The following MYO9B variants were observed in gnomAD, a reference collection of about 807,000 sequenced individuals.
MYO9B encodes myosin IXB.
Under a neutral mutation model 229.5 loss-of-function variants are expected in MYO9B, and 71 were observed. That is an observed-to-expected ratio of 0.31 (90% CI 0.26 to 0.38). The LOEUF is 0.38. MYO9B is among the 10% of genes least tolerant of loss of function. The probability of loss-of-function intolerance (pLI) is 1.00; values close to 1 mark genes in which losing one functional copy is unlikely to be tolerated. For missense variants in MYO9B, 2,255 were observed against 2,920.5 expected (o/e 0.77, Z 5.25); for synonymous variants, 1,185 against 1,235.8 (o/e 0.96, Z 0.86).
chr19:17,169,101 G>A (rs976688686), intron 11 of MYO9B, among the ~76,000 whole-genome samples: 1 of 152,146 alleles, frequency 6.6e-6, no homozygotes, highest in African/African-American at 2.4e-5. Flanking sequence ...GCCAGGCACA[G>A]TGGCTCACGC....
chr19:17,117,570 G>A (rs2145108347), intron 2 of MYO9B, among the ~76,000 whole-genome samples: 1 of 152,322 alleles, frequency 6.6e-6, no homozygotes, highest in East Asian at 1.9e-4. Flanking sequence ...GGGGTTCTCT[G>A]TAAATCCCGG....
intron 2 of MYO9B, among the ~76,000 whole-genome samples, chr19:17,108,214 G>A (rs1473909277): frequency 1.3e-5 from 2 of 152,226 alleles, no homozygotes; most frequent in East Asian, 1.9e-4. Context: ...GGGCTGGCGA[G>A]GCCAGTTTTC....
intron 2 of MYO9B, among the ~76,000 whole-genome samples, chr19:17,120,057 A>C (rs770514965): frequency 7.2e-5 from 11 of 152,218 alleles, no homozygotes; most frequent in Non-Finnish European, 8.8e-5. Context: ...CCAGCTACTC[A>C]GGAGGCTGAG....
chr19:17,195,620 T>C lies in MYO9B; in HGVS notation c.4046+147T>C, dbSNP rs2073034680. On this transcript the variant is annotated intron_variant, in intron 22 of 39. Transcript: ENST00000682292. This position sits in a 1 kb window ranked among gnomAD's most constrained non-coding sequence, Gnocchi z 4.5. The stretch of plus-strand genomic sequence containing the variant: ...CTGAGGGAGGAGGACGAGCAGGACA[T>C]GCTAAAGACCAAGTGAAGACAAGGC... 3.7e-6 allele frequency: 4 copies of C among 1,092,360 alleles called. No individual in the cohort carries two copies. Among genetic ancestry groups the C allele is most frequent in the Admixed American group, 2.5e-5 (1 of 40,532 alleles). 67.7% of individuals were successfully genotyped at this position (1,092,360 alleles called of 1,614,324 possible).
chr19:17,179,221 C>T (rs1346119499), intron 14 of MYO9B, among the ~76,000 whole-genome samples: 1 of 151,954 alleles, frequency 6.6e-6, no homozygotes, highest in Admixed American at 6.6e-5. Context: ...TGGCAGATGT[C>T]CCCTGATGGG....
intron 13 of MYO9B, 51 bp downstream of exon 13, chr19:17,173,014 A>T: frequency 6.4e-7 from 1 of 1,574,796 alleles, no homozygotes; most frequent in Non-Finnish European, 8.6e-7. Flanking sequence ...AGAGGGGGGC[A>T]CATCCTGAGT....
chr19:17,099,843 T>A (rs920582607), intron 1 of MYO9B, among the ~76,000 whole-genome samples: 1 of 132,066 alleles, frequency 7.6e-6, no homozygotes, highest in Non-Finnish European at 1.6e-5. Context: ...AAAGGCCGGG[T>A]GCGGTAGCTC....
At chr19:17,151,636 G>T (rs1385912217) in intron 3 of MYO9B, among the ~76,000 whole-genome samples, 1 of 152,220 alleles carries the variant, frequency 6.6e-6, no homozygotes, top group Admixed American at 6.5e-5. Context: ...CACAGTGACA[G>T]GCTAGATGCA....
intron 1 of MYO9B, among the ~76,000 whole-genome samples, chr19:17,098,053 C>A (rs997974259): frequency 6.6e-6 from 1 of 150,772 alleles, no homozygotes; most frequent in Non-Finnish European, 1.5e-5. Context: ...GAACCCCCCC[C>A]CCCCACCTTT....
At chr19:17,080,338 G>A (rs573491976) in intron 1 of MYO9B, among the ~76,000 whole-genome samples, 8 of 152,182 alleles carry the variant, frequency 5.3e-5, no homozygotes, top group Non-Finnish European at 8.8e-5. Context: ...GAGGCCAGAC[G>A]TTTAAGATCA....
At chr19:17,099,923 G>T (rs2057728736) in intron 1 of MYO9B, among the ~76,000 whole-genome samples, 1 of 151,144 alleles carries the variant, frequency 6.6e-6, no homozygotes, top group South Asian at 2.1e-4. Flanking sequence ...TTCGAGACCA[G>T]CCTGGCCAAC....
intron 36 of MYO9B, 77 bp from the exon 37 acceptor site, chr19:17,210,256 G>C: frequency 2.8e-6 from 4 of 1,421,212 alleles, no homozygotes; most frequent in Non-Finnish European, 3.8e-6. Flanking sequence ...CTTGGTACCG[G>C]TCATTGGATG....
chr19:17,124,434 C>G (rs2057995075), intron 2 of MYO9B, among the ~76,000 whole-genome samples: 1 of 152,000 alleles, frequency 6.6e-6, no homozygotes, highest in Admixed American at 6.6e-5. Context: ...CTTCGTGGAA[C>G]TTTTTTTTAA....
chr19:17,170,988 AT>A (rs75472839), intron 11 of MYO9B, among the ~76,000 whole-genome samples: 6,499 of 150,332 alleles, frequency 0.043, 300 homozygotes, highest in African/African-American at 0.12. Context: ...TCATCATGGA[AT>A]TTTTTTTTTC....
At chr19:17,133,049 T>G (rs2072222400) in intron 2 of MYO9B, among the ~76,000 whole-genome samples, 1 of 151,912 alleles carries the variant, frequency 6.6e-6, no homozygotes, top group Non-Finnish European at 1.5e-5. Context: ...GGTTTCACCA[T>G]GATAGCCAGG....
chr19:17,184,594 C>T (rs2072896627), intron 16 of MYO9B: 1 of 397,286 alleles, frequency 2.5e-6, no homozygotes, highest in East Asian at 4.6e-5. Context: ...TCCTCTCTAA[C>T]CCAGAGGAAG....
In MYO9B at chr19:17,195,104, C is replaced by T; in HGVS notation, c.3677C>T (p.Ala1226Val). The T allele has an allele frequency of 6.2e-7, 1 of 1,612,764 alleles. No homozygotes were observed. The highest frequency in any genetic ancestry group is 8.5e-7 in the Non-Finnish European group (1 of 1,179,794). ...CCCACAGAGCAACCCCAGGCCATGGCAGTTGGCAAGGTCTCTGAAGAAACT... is the reference window on the plus strand; with the variant it reads ...CCCACAGAGCAACCCCAGGCCATGGTAGTTGGCAAGGTCTCTGAAGAAACT... ...KQPTEQPQAM[A>V]VGKVSEETEK... Residue 1226 changes from alanine (A) to valine (V), a missense_variant, in exon 22 of 40, where the codon GCA becomes GTA. Physicochemically the swap from Ala to Val is moderately conservative, Grantham distance 64. This residue lies in a region of MYO9B where 679 missense variants were observed against 770.2 expected (regional missense o/e 0.88). Transcript: ENST00000682292. This position sits in a 1 kb window ranked among gnomAD's most constrained non-coding sequence, Gnocchi z 4.5.
intron 1 of MYO9B, among the ~76,000 whole-genome samples, chr19:17,079,740 G>GC (rs947343225): frequency 6.6e-6 from 1 of 152,088 alleles, no homozygotes; most frequent in African/African-American, 2.4e-5. Flanking sequence ...TCTGGGTGCT[G>GC]CCCCCACACC....
intron 1 of MYO9B, among the ~76,000 whole-genome samples, chr19:17,091,382 C>T (rs113569134): frequency 0.027 from 4,186 of 152,318 alleles, 161 homozygotes; most frequent in African/African-American, 0.084. Context: ...TGCACCACCA[C>T]GCCCAGCTAA....
Sources: allele counts gnomAD v4.1 joint callset (sites outside exome capture counted in the v4.1 genomes callset), GRCh38; gene constraint gnomAD v4.1.1; regional missense constraint gnomAD v4.1.1; non-coding constraint Gnocchi (gnomAD v3.1); transcripts MANE v1.5; gene names NCBI Gene and HGNC (gene_info 2026-07-23, HGNC 2026-07-21).